The following CYSLTR1 variants were observed in gnomAD, a reference collection of about 807,000 sequenced individuals.
CYSLTR1 encodes cysteinyl leukotriene receptor 1.
A neutral mutation model predicts 2.1 loss-of-function variants in CYSLTR1; 1 was observed. The ratio of observed to expected loss-of-function variants is 0.48; its 90% confidence interval spans 0.17 to 2.28. The LOEUF (loss-of-function observed/expected upper bound fraction) is 2.28. Among genes scored for constraint, CYSLTR1 ranks in the 30% most tolerant of loss-of-function variants. CYSLTR1 has a pLI of 0.26. For synonymous variants in CYSLTR1, 110 were observed against 89.6 expected (o/e 1.23, Z -1.28); for missense variants, 299 against 250.1 (o/e 1.20, Z -1.32).
chrX:78,273,345 C>T lies in CYSLTR1; in HGVS notation c.402G>A (p.Leu134=). Reference sequence around the variant, plus strand: ...CAAACCTGGCTTTTTTCTGTGTAACCAAATTAATGTTCTGGACTGGAAAAA... The same window carrying T: ...CAAACCTGGCTTTTTTCTGTGTAACTAAATTAATGTTCTGGACTGGAAAAA... ...AIVFPVQNIN[L]VTQKKARFVC... The change falls in exon 3 of 3, where the codon TTG becomes TTA. Residue 134 remains leucine (L), a synonymous_variant. Coordinates refer to ENST00000373304, the MANE Select transcript of CYSLTR1 (RefSeq NM_006639.4). 8.3e-7 allele frequency: 1 copy of T among 1,211,004 alleles called. No homozygotes were observed. The highest frequency in any genetic ancestry group is 1.1e-6 in the Non-Finnish European group (1 of 895,318).
intron 1 of CYSLTR1, among the ~76,000 whole-genome samples, chrX:78,289,171 TTCTCA>T (rs1270978480): frequency 9.2e-6 from 1 of 108,750 alleles, no homozygotes; most frequent in Non-Finnish European, 1.9e-5. Flanking sequence ...TGTCCAAGTG[TTCTCA>T]TTGTTTGGTT....
rs752872123 is a variant in CYSLTR1 at position 78,273,035 on chromosome X, C to T, written c.712G>A (p.Val238Met). The T allele has an allele frequency of 1.7e-5, 20 of 1,209,520 alleles. No homozygotes were observed. The highest frequency in any genetic ancestry group is 1.3e-4 in the Admixed American group (6 of 45,602). Residue 238 changes from valine (V) to methionine (M), a missense_variant, in exon 3 of 3, where the codon GTG becomes ATG. Transcript: ENST00000373304. ...HKKAIGMIMVVTAAFLVSFMP... is the reference protein window; with the variant it reads ...HKKAIGMIMVMTAAFLVSFMP... The stretch of plus-strand genomic sequence containing the variant: ...AAACTGACTAAAAAGGCAGCGGTCA[C>T]GACCATGATCATTCCTATAGCCTTT...
At chrX:78,325,433 G>A (rs1171177339) in intron 1 of CYSLTR1, among the ~76,000 whole-genome samples, 2 of 112,013 alleles carry the variant, frequency 1.8e-5, no homozygotes, top group African/African-American at 3.2e-5. Flanking sequence ...TTTTCAAGTC[G>A]CTTTCAGATT....
intron 2 of CYSLTR1, among the ~76,000 whole-genome samples, 178 bp downstream of exon 2, chrX:78,283,276 A>G (rs1021983225): frequency 1.8e-5 from 2 of 112,198 alleles, no homozygotes; most frequent in Non-Finnish European, 3.8e-5. Flanking sequence ...AGAAGTGTGA[A>G]GAGGTTACAA....
At chrX:78,305,471 G>A (rs959823493) in intron 1 of CYSLTR1, among the ~76,000 whole-genome samples, 1 of 110,956 alleles carries the variant, frequency 9.0e-6, no homozygotes, top group Non-Finnish European at 1.9e-5. Flanking sequence ...GGTTGTTGGA[G>A]ACATCAGATA....
intron 1 of CYSLTR1, among the ~76,000 whole-genome samples, chrX:78,312,527 GTAAATA>G (rs755954183): frequency 1.8e-4 from 20 of 111,815 alleles, no homozygotes; most frequent in African/African-American, 6.2e-4. Context: ...TACCAACAAA[GTAAATA>G]TACAGCTTAC....
chrX:78,273,128 C>T lies in CYSLTR1; in HGVS notation c.619G>A (p.Val207Ile). 3 of 1,207,822 alleles carry T rather than the reference C, an allele frequency of 2.5e-6. No homozygotes were observed. In the East Asian group the frequency reaches 8.9e-5, roughly 36 times the overall value. ...GFIIPFVIIIVCYTMIILTLL... is the reference protein window; with the variant it reads ...GFIIPFVIIIICYTMIILTLL... ...GTCAAAATGATCATTGTGTAACAGA[C>T]AATTATAATAACAAAAGGGATGATA... is the stretch of plus-strand genomic sequence containing the variant. The change falls in exon 3 of 3, where the codon GTC (valine) becomes ATC (isoleucine). Residue 207 changes from valine to isoleucine, a missense_variant. Val to Ile is a conservative substitution (Grantham distance 29). Coordinates refer to ENST00000373304, the MANE Select transcript of CYSLTR1 (RefSeq NM_006639.4).
chrX:78,283,996 A>G (rs1921948419), intron 1 of CYSLTR1, among the ~76,000 whole-genome samples: 1 of 112,001 alleles, frequency 8.9e-6, no homozygotes, highest in Non-Finnish European at 1.9e-5. Flanking sequence ...TGGCTTAGAA[A>G]TAGTTTTCCT....
intron 2 of CYSLTR1, among the ~76,000 whole-genome samples, chrX:78,274,845 T>A (rs1189746084): frequency 9.0e-6 from 1 of 111,460 alleles, no homozygotes; most frequent in African/African-American, 3.3e-5. Context: ...AAAGGGCTAA[T>A]ATCCAGAATC....
intron 2 of CYSLTR1, among the ~76,000 whole-genome samples, chrX:78,282,375 G>A (rs1921879463): frequency 8.9e-6 from 1 of 112,174 alleles, no homozygotes; most frequent in Non-Finnish European, 1.9e-5. Context: ...TAGCACATAT[G>A]TATCTTGCCC....
intron 2 of CYSLTR1, among the ~76,000 whole-genome samples, chrX:78,281,808 C>A (rs931328194): frequency 2.7e-5 from 3 of 111,904 alleles, no homozygotes; most frequent in Non-Finnish European, 5.6e-5. Context: ...GCAGGCCTTC[C>A]TACCACTATC....
chrX:78,311,684 C>A (rs1348025141), intron 1 of CYSLTR1, among the ~76,000 whole-genome samples: 1 of 111,812 alleles, frequency 8.9e-6, no homozygotes, highest in African/African-American at 3.2e-5. Context: ...TTTGTGTACA[C>A]CAAAAACATT....
rs747471147 is a variant in CYSLTR1 at position 78,272,958 on chromosome X, T to C, written c.789A>G (p.Glu263=). ...RTIHLHFLHN[E]TKPCDSVLRM... ...TAAGGACAGAATCACAGGGTTTAGT[T>C]TCATTGTGTAAAAAATGAAGGTGAA... Residue 263 remains glutamate (E), a synonymous_variant, in exon 3 of 3, where the codon GAA becomes GAG. Coordinates refer to ENST00000373304, the MANE Select transcript of CYSLTR1 (RefSeq NM_006639.4). 1 of 1,209,634 alleles carries C rather than the reference T, an allele frequency of 8.3e-7. No individual in the cohort carries two copies. The highest frequency in any genetic ancestry group is 1.8e-5 in the African/African-American group (1 of 57,130).
At chrX:78,295,985 C>T (rs1922558332) in intron 1 of CYSLTR1, among the ~76,000 whole-genome samples, 2 of 111,171 alleles carry the variant, frequency 1.8e-5, no homozygotes, top group Admixed American at 1.9e-4. Flanking sequence ...GAACAATGTC[C>T]TGGAGCATTT....
intron 2 of CYSLTR1, 94 bp downstream of exon 2, chrX:78,283,360 T>C (rs1169742480): frequency 8.9e-6 from 1 of 111,940 alleles, no homozygotes; most frequent in Non-Finnish European, 1.9e-5. Flanking sequence ...TAAATAGAAT[T>C]GATTTTATTT....
intron 1 of CYSLTR1, among the ~76,000 whole-genome samples, chrX:78,296,970 G>A (rs187443451): frequency 5.3e-4 from 59 of 111,325 alleles, no homozygotes; most frequent in Non-Finnish European, 8.7e-4. Flanking sequence ...TTTTGTTCCA[G>A]ATCTTAGAGG....
chrX:78,275,647 G>A (rs753518800), intron 2 of CYSLTR1, among the ~76,000 whole-genome samples: 8 of 110,233 alleles, frequency 7.3e-5, no homozygotes, highest in East Asian at 2.9e-4. Flanking sequence ...GAGTTAATGG[G>A]TGCAGCACAC....
chrX:78,285,061 AT>A (rs201232270), intron 1 of CYSLTR1, among the ~76,000 whole-genome samples: 6,108 of 110,736 alleles, frequency 0.055, 137 homozygotes, highest in East Asian at 0.085. Context: ...CAATAAACAT[AT>A]TTTTTTTAAG....
chrX:78,284,500 A>C (rs1356724426), intron 1 of CYSLTR1, among the ~76,000 whole-genome samples: 1 of 111,436 alleles, frequency 9.0e-6, no homozygotes, highest in Non-Finnish European at 1.9e-5. Flanking sequence ...TCCCGGGTTC[A>C]AGCAATTCTC....
Sources: gnomAD v4.1 joint callset for allele counts (sites outside exome capture counted in the v4.1 genomes callset) on GRCh38, gnomAD v4.1.1 for gene constraint, MANE v1.5 for transcripts, NCBI Gene and HGNC (gene_info 2026-07-23, HGNC 2026-07-21) for gene names.